Variants in CPED1 observed in about 807,000 individuals in gnomAD.
The protein encoded by CPED1 is cadherin like and PC-esterase domain containing 1, also known as cadherin-like and PC-esterase domain-containing protein 1.
Under a neutral mutation model 128.2 loss-of-function variants are expected in CPED1, and 114 were observed. The ratio of observed to expected loss-of-function variants is 0.89; its 90% CI spans 0.76 to 1.04. CPED1 has a LOEUF of 1.04. CPED1 is among the 50% of genes least tolerant of loss of function. The probability of loss-of-function intolerance (pLI) is 0.00; values close to 1 mark genes in which losing one functional copy is unlikely to be tolerated. For missense variants in CPED1, 1,211 were observed against 1,207.1 expected, an observed-to-expected ratio of 1.00 and a Z score of -0.05; for synonymous variants, 462 against 426.7, an observed-to-expected ratio of 1.08 and a Z score of -1.02.
intron 2 of CPED1, among the ~76,000 whole-genome samples, chr7:121,004,717 G>A (rs988140996): frequency 1.3e-5 from 2 of 151,988 alleles, no homozygotes; most frequent in Non-Finnish European, 2.9e-5. Context: ...ATTTCTAGGG[G>A]AACCCTTGGA....
intron 7 of CPED1, among the ~76,000 whole-genome samples, chr7:121,117,012 ATATATACACACATT>A (rs1795256652): frequency 6.8e-6 from 1 of 146,682 alleles, no homozygotes; most frequent in Admixed American, 6.8e-5. Flanking sequence ...ACACACACAT[ATATATACACACATT>A]ATATGTATAT....
Position 121,026,692 on chromosome 7 carries a change from A to G in CPED1, c.433+10844A>G, listed in dbSNP as rs537310756. Among the ~76,000 whole-genome samples, 323 of 150,324 alleles carry G rather than the reference A, an allele frequency of 2.1e-3. 1 individual carries two copies. The highest frequency in any genetic ancestry group is 3.4e-3 in the Middle Eastern group (1 of 290). On this transcript the variant is annotated intron_variant, in intron 3 of 22. Transcript: ENST00000310396. ...AAAAAAAAAAAAAAAAAAGTTTCCC[A>G]GGTGATACTAATACATGGCTAGGGA...
chr7:121,033,753 C>T (rs998660335), intron 3 of CPED1, among the ~76,000 whole-genome samples: 1 of 152,110 alleles, frequency 6.6e-6, no homozygotes, highest in East Asian at 1.9e-4. Flanking sequence ...ATGTGTAATC[C>T]TAAAATACTG....
intron 22 of CPED1, among the ~76,000 whole-genome samples, chr7:121,293,971 C>T (rs1792767927): frequency 6.6e-6 from 1 of 152,012 alleles, no homozygotes; most frequent in Admixed American, 6.6e-5. Flanking sequence ...GCCAGCCCCC[C>T]ATTCGTTATT....
chr7:121,244,440 C>A, intron 18 of CPED1, 102 bp downstream of exon 18: 1 of 1,217,608 alleles, frequency 8.2e-7, no homozygotes, highest in Non-Finnish European at 1.2e-6. Flanking sequence ...TGTCTCACAG[C>A]AGAGGAAAAC....
chr7:120,990,591 A>T (rs899743239), intron 2 of CPED1, among the ~76,000 whole-genome samples: 1 of 152,220 alleles, frequency 6.6e-6, no homozygotes. Flanking sequence ...CATGCCTATC[A>T]GTAATATAAT....
At chr7:121,099,583 G>A (rs1794790118) in intron 6 of CPED1, among the ~76,000 whole-genome samples, 1 of 152,154 alleles carries the variant, frequency 6.6e-6, no homozygotes, top group Non-Finnish European at 1.5e-5. Context: ...GGCCAGCCTG[G>A]TCTCCAACTC....
chr7:121,220,383 C>T (rs898110106), intron 16 of CPED1, among the ~76,000 whole-genome samples: 2 of 152,006 alleles, frequency 1.3e-5, no homozygotes, highest in Non-Finnish European at 2.9e-5. Flanking sequence ...TTAACTCACT[C>T]TTATGTTTCC....
intron 2 of CPED1, among the ~76,000 whole-genome samples, chr7:120,995,234 C>G (rs1364028168): frequency 1.3e-5 from 2 of 152,162 alleles, no homozygotes; most frequent in African/African-American, 2.4e-5. Flanking sequence ...TCTATTGAAA[C>G]CTCTCTTGGT....
At chr7:121,026,827 C>CTTTTTTTTTTTTT (rs71170219) in intron 3 of CPED1, among the ~76,000 whole-genome samples, 4 of 83,472 alleles carry the variant, frequency 4.8e-5, no homozygotes, top group Non-Finnish European at 6.7e-5. Context: ...CCTGTCAGTT[C>CTTTTTTTTTTTTT]TTTTTTTTTT....
At chr7:121,200,737 A>C (rs188806893) in intron 16 of CPED1, among the ~76,000 whole-genome samples, 1 of 152,264 alleles carries the variant, frequency 6.6e-6, no homozygotes, top group African/African-American at 2.4e-5. Context: ...GAATTGAATG[A>C]AACAGAAAGT....
At chr7:121,210,355 A>C (rs1797615516) in intron 16 of CPED1, among the ~76,000 whole-genome samples, 1 of 151,958 alleles carries the variant, frequency 6.6e-6, no homozygotes, top group Non-Finnish European at 1.5e-5. Flanking sequence ...AGATAGCTGC[A>C]CTCCCGTGTT....
chr7:120,998,215 T>A (rs1796442819), intron 2 of CPED1, among the ~76,000 whole-genome samples: 1 of 152,322 alleles, frequency 6.6e-6, no homozygotes, highest in Non-Finnish European at 1.5e-5. Context: ...GTAAGCAAGC[T>A]TCTCTTGTTT....
intron 16 of CPED1, among the ~76,000 whole-genome samples, chr7:121,212,841 A>T (rs1251568951): frequency 6.6e-6 from 1 of 152,022 alleles, no homozygotes; most frequent in Non-Finnish European, 1.5e-5. Context: ...TATTTTTTTC[A>T]TTGCCTACCA....
chr7:121,073,279 C>T (rs763932452), intron 5 of CPED1, among the ~76,000 whole-genome samples: 20 of 152,098 alleles, frequency 1.3e-4, no homozygotes, highest in Non-Finnish European at 2.8e-4. Context: ...GGAAGTGGAT[C>T]ATCATGAAGG....
At chr7:121,190,779 T>C (rs745680954) in intron 16 of CPED1, among the ~76,000 whole-genome samples, 12 of 152,134 alleles carry the variant, frequency 7.9e-5, no homozygotes, top group Non-Finnish European at 1.5e-4. Flanking sequence ...CTCTTTCAAA[T>C]AATACAGTCT....
In CPED1 at chr7:121,067,794, A is replaced by T. The variant is rs546050129; in HGVS notation, c.616+3481A>T. On this transcript the variant is annotated intron_variant, in intron 5 of 22. Coordinates refer to ENST00000310396, the MANE Select transcript of CPED1 (RefSeq NM_024913.5). ...GCACCTGTTGTTTCCTGACTTTTTA[A>T]TGATGGCCATTCTAACTGGTGTGAG... Among the ~76,000 whole-genome samples the T allele has an allele frequency of 1.2e-4, 18 of 152,240 alleles. No homozygotes were observed. The South Asian group carries it at 3.7e-3, about 32-fold the overall frequency.
At chr7:121,046,614 TATA>T (rs1320468306) in intron 3 of CPED1, among the ~76,000 whole-genome samples, 4 of 151,978 alleles carry the variant, frequency 2.6e-5, no homozygotes, top group Admixed American at 6.5e-5. Context: ...AAATGAATTT[TATA>T]ATGTCTTTTA....
At chr7:121,068,263 C>A (rs1793897756) in intron 5 of CPED1, among the ~76,000 whole-genome samples, 1 of 152,182 alleles carries the variant, frequency 6.6e-6, no homozygotes. Flanking sequence ...ACATTTAAGT[C>A]TTTAATCCAT....
Sources: gnomAD v4.1 joint callset for allele counts (sites outside exome capture counted in the v4.1 genomes callset) on GRCh38, gnomAD v4.1.1 for gene constraint, MANE v1.5 for transcripts, NCBI Gene and HGNC (gene_info 2026-07-23, HGNC 2026-07-21) for gene names.